The following HHAT variants were observed in gnomAD, a reference collection of about 807,000 sequenced individuals.
HHAT encodes the protein hedgehog acyltransferase, also known as protein-cysteine N-palmitoyltransferase HHAT.
HHAT carries 47 observed loss-of-function variants against 70.8 expected under a neutral mutation model. The observed-to-expected ratio is 0.66, with a 90% CI of 0.53 to 0.85. The LOEUF is 0.85. Among genes scored for constraint, HHAT ranks in the 40% least tolerant of loss-of-function variants. The pLI is 0.00. For missense variants in HHAT, 609 were observed against 604.8 expected (o/e 1.01, Z -0.07); for synonymous variants, 228 against 247.6 (o/e 0.92, Z 0.74).
chr1:210,665,085 T>TTCATATTGG (rs1678611753), intron 11 of HHAT, among the ~76,000 whole-genome samples: 1 of 152,196 alleles, frequency 6.6e-6, no homozygotes, highest in Non-Finnish European at 1.5e-5. Context: ...ATTTATCAGT[T>TTCATATTGG]TCATATTGGT....
At chr1:210,417,454 C>T (rs1368430650) in intron 6 of HHAT, among the ~76,000 whole-genome samples, 3 of 152,090 alleles carry the variant, frequency 2.0e-5, no homozygotes, top group Non-Finnish European at 4.4e-5. Flanking sequence ...AGGCTGGTCT[C>T]GAACTCCTGA....
At chr1:210,529,452 T>A (rs1033463813) in intron 9 of HHAT, among the ~76,000 whole-genome samples, 1 of 152,082 alleles carries the variant, frequency 6.6e-6, no homozygotes, top group African/African-American at 2.4e-5. Context: ...TTGTGACTTG[T>A]GTAAAATTTA....
At chr1:210,594,468 G>C (rs1025224959) in intron 10 of HHAT, among the ~76,000 whole-genome samples, 1 of 152,028 alleles carries the variant, frequency 6.6e-6, no homozygotes, top group African/African-American at 2.4e-5. Flanking sequence ...TGTTTGCACT[G>C]CTTTTAACTT....
At chr1:210,394,911 C>G (rs2091694443) in intron 4 of HHAT, among the ~76,000 whole-genome samples, 1 of 152,104 alleles carries the variant, frequency 6.6e-6, no homozygotes, top group African/African-American at 2.4e-5. Flanking sequence ...GCCTGCTGGC[C>G]TTTGCTCCCA....
chr1:210,638,102 A>C (rs1672253896), intron 11 of HHAT, among the ~76,000 whole-genome samples: 1 of 152,206 alleles, frequency 6.6e-6, no homozygotes. Context: ...TGGGAGTGTA[A>C]AATGGAAAAC....
chr1:210,492,542 A>G (rs1159503443), intron 8 of HHAT, among the ~76,000 whole-genome samples: 1 of 152,122 alleles, frequency 6.6e-6, no homozygotes, highest in Non-Finnish European at 1.5e-5. Context: ...GGGGTTTGGA[A>G]ACCTATTTGA....
intron 9 of HHAT, among the ~76,000 whole-genome samples, chr1:210,576,706 G>A (rs547761111): frequency 2.0e-5 from 3 of 152,178 alleles, no homozygotes; most frequent in South Asian, 4.2e-4. Context: ...AACACTTAAT[G>A]TGATTTTCCT....
chr1:210,639,474 A>T (rs1358014394), intron 11 of HHAT, among the ~76,000 whole-genome samples: 2 of 152,206 alleles, frequency 1.3e-5, no homozygotes, highest in East Asian at 3.9e-4. Context: ...AAACAGATGG[A>T]TGCATAGATG....
At chr1:210,370,277 C>T (rs918126271) in intron 3 of HHAT, among the ~76,000 whole-genome samples, 21 of 149,168 alleles carry the variant, frequency 1.4e-4, no homozygotes, top group Admixed American at 3.4e-4. Context: ...TGGGTTCAAG[C>T]GATTCTCCTG....
At position 210,394,229 on chromosome 1, in the gene HHAT, CTTTTTTTTTTTTTTTTTT is replaced by C. The variant is rs59554789; in HGVS notation, c.274-6221_274-6204del. The stretch of plus-strand genomic sequence containing the variant: ...TTTTATTTTCAAAAGCATGATCTAT[CTTTTTTTTTTTTTTTTTT>C]TTTTTTTTTTTTTTTTTGCCATGGT... On this transcript the variant is annotated intron_variant, in intron 4 of 11. Transcript: ENST00000261458. 1.4e-4 allele frequency among the ~76,000 whole-genome samples: 16 copies of C among 116,334 alleles called. 1 individual carries two copies. The East Asian group carries it at 1.7e-3, about 12-fold the overall frequency. The allele number at this position is 116,334 out of a possible 152,430, so 76.3% of individuals were successfully genotyped here.
intron 8 of HHAT, among the ~76,000 whole-genome samples, chr1:210,504,640 A>G (rs887106232): frequency 1.3e-5 from 2 of 152,088 alleles, no homozygotes; most frequent in Admixed American, 6.5e-5. Flanking sequence ...CTTGTGGGCC[A>G]TTTTCCCAGA....
intron 10 of HHAT, among the ~76,000 whole-genome samples, chr1:210,618,156 A>G (rs1458146886): frequency 6.6e-6 from 1 of 152,180 alleles, no homozygotes; most frequent in Non-Finnish European, 1.5e-5. Context: ...GAGAAGGGGA[A>G]ACATGTCCTA....
At chr1:210,339,265 A>G (rs2085787071) in intron 1 of HHAT, among the ~76,000 whole-genome samples, 2 of 152,216 alleles carry the variant, frequency 1.3e-5, no homozygotes, top group Non-Finnish European at 2.9e-5. Flanking sequence ...AACCTTTGTG[A>G]CATTTTATGT....
chr1:210,328,176 G>A (rs367968423), upstream of HHAT: 1 of 152,140 alleles, frequency 6.6e-6, no homozygotes, highest in African/African-American at 2.4e-5. Context: ...TTTGGGGAGG[G>A]ATCCAGAAGC....
chr1:210,573,643 T>A (rs571828311), intron 9 of HHAT, among the ~76,000 whole-genome samples: 2 of 152,336 alleles, frequency 1.3e-5, no homozygotes, highest in East Asian at 3.9e-4. Context: ...CTTTCGGTAG[T>A]TCCAGCAGCT....
chr1:210,536,988 A>C (rs2095379419), intron 9 of HHAT, among the ~76,000 whole-genome samples: 1 of 152,114 alleles, frequency 6.6e-6, no homozygotes, highest in Non-Finnish European at 1.5e-5. Flanking sequence ...GTTAAAGATA[A>C]AATGTCATGT....
rs1422537879 is a variant in HHAT at position 210,675,743 on chromosome 1, G to C, written c.*1364G>C. Reference sequence around the variant, plus strand: ...TCATAGCTTCTCTGCTTGGCAAAGAGATGGGAGGGGGCCAGATACTGACTA... The same window carrying C: ...TCATAGCTTCTCTGCTTGGCAAAGACATGGGAGGGGGCCAGATACTGACTA... On this transcript the variant is annotated 3_prime_UTR_variant, in exon 12 of 12. Transcript: ENST00000261458. 1.3e-5 allele frequency: 2 copies of C among 152,250 alleles called. No individual in the cohort carries two copies. Among genetic ancestry groups the C allele is most frequent in the African/African-American group, 4.8e-5 (2 of 41,438 alleles). The allele number at this position is 152,250 out of a possible 1,614,324, so 9.4% of individuals were successfully genotyped here.
At chr1:210,405,200 G>T (rs901566178) in intron 6 of HHAT, among the ~76,000 whole-genome samples, 3 of 152,180 alleles carry the variant, frequency 2.0e-5, no homozygotes, top group African/African-American at 7.2e-5. Flanking sequence ...GCAGTGGTGT[G>T]TGTTCATGTC....
At chr1:210,520,766 A>G (rs1459368841) in intron 9 of HHAT, among the ~76,000 whole-genome samples, 2 of 152,220 alleles carry the variant, frequency 1.3e-5, no homozygotes, top group African/African-American at 4.8e-5. Context: ...TATTATTTAT[A>G]TGTATCTCTT....
Sources: allele counts gnomAD v4.1 joint callset (sites outside exome capture counted in the v4.1 genomes callset), GRCh38; gene constraint gnomAD v4.1.1; transcripts MANE v1.5; gene names NCBI Gene and HGNC (gene_info 2026-07-23, HGNC 2026-07-21).